The following SNX13 variants were observed in gnomAD, a reference collection of about 807,000 sequenced individuals.
The protein encoded by SNX13 is sorting nexin-13.
A neutral mutation model predicts 133.6 loss-of-function variants in SNX13; 45 were observed. That is an observed-to-expected ratio of 0.34 (90% CI 0.27 to 0.43). The LOEUF is 0.43. SNX13 is among the 20% of genes least tolerant of loss of function. The pLI, the probability that SNX13 is intolerant of heterozygous loss-of-function variation, is 1.00. For synonymous variants in SNX13, 414 were observed against 373.9 expected (o/e 1.11, Z -1.24); for missense variants, 1,032 against 1,145.1 (o/e 0.90, Z 1.43).
At chr7:17,810,289 C>A (rs1220687678) in intron 20 of SNX13, among the ~76,000 whole-genome samples, 1 of 152,078 alleles carries the variant, frequency 6.6e-6, no homozygotes, top group East Asian at 1.9e-4. Flanking sequence ...AAGGGGATAT[C>A]ACCACTGATC....
At chr7:17,896,871 A>T (rs1797270711) in intron 2 of SNX13, among the ~76,000 whole-genome samples, 1 of 152,152 alleles carries the variant, frequency 6.6e-6, no homozygotes, top group African/African-American at 2.4e-5. Flanking sequence ...AAACTGCAAA[A>T]TCAGGTATTT....
At chr7:17,830,339 G>T (rs991535592) in intron 15 of SNX13, 1 of 984,092 alleles carries the variant, frequency 1.0e-6, no homozygotes, top group African/African-American at 1.8e-5. Flanking sequence ...TATTCTCATG[G>T]TATCAAGTAA....
chr7:17,821,689 T>C (rs767794879), intron 17 of SNX13, 41 bp from the exon 18 acceptor site: 1 of 1,529,580 alleles, frequency 6.5e-7, no homozygotes. Flanking sequence ...ATACTAATCA[T>C]TTAAAACAAA....
intron 1 of SNX13, among the ~76,000 whole-genome samples, chr7:17,925,375 C>T (rs1041301599): frequency 1.1e-4 from 17 of 151,946 alleles, no homozygotes; most frequent in African/African-American, 4.1e-4. Flanking sequence ...TAGCAAAAGC[C>T]GTTGAATTGA....
intron 25 of SNX13, chr7:17,795,609 T>C (rs907920503): frequency 6.6e-6 from 1 of 151,698 alleles, no homozygotes; most frequent in Admixed American, 6.6e-5. Context: ...CTACGTTCCA[T>C]TTATTTGTTC....
rs138023046 is a variant in SNX13, at chr7:17,853,927, C to T, written c.838-2963G>A. On this transcript the variant is annotated intron_variant, in intron 9 of 25. Coordinates refer to ENST00000428135, the MANE Select transcript of SNX13 (RefSeq NM_015132.5). ...CTGCACTCCAGCCTGCGCGACAGAG[C>T]GAGAATCCATCTCCAAAAAAAATAA... Among the ~76,000 whole-genome samples the T allele has an allele frequency of 5.0e-3, 742 of 149,248 alleles. 5 individuals carry two copies. The highest frequency in any genetic ancestry group is 0.018 in the African/African-American group (711 of 40,372).
intron 9 of SNX13, among the ~76,000 whole-genome samples, chr7:17,851,607 G>C (rs955095956): frequency 1.4e-5 from 2 of 145,162 alleles, no homozygotes; most frequent in African/African-American, 2.6e-5. Flanking sequence ...ACATGGCCGT[G>C]AAATAAAGAG....
chr7:17,907,371 A>G (rs755946826), intron 1 of SNX13: 3 of 152,208 alleles, frequency 2.0e-5, no homozygotes, highest in Admixed American at 6.5e-5. Context: ...GTACATTTCA[A>G]TACCTCAGAA....
intron 9 of SNX13, among the ~76,000 whole-genome samples, chr7:17,853,305 A>C (rs952073704): frequency 6.6e-6 from 1 of 152,232 alleles, no homozygotes; most frequent in African/African-American, 2.4e-5. Context: ...TAGAGGGATT[A>C]ATAACTATGA....
intron 22 of SNX13, among the ~76,000 whole-genome samples, 179 bp from the exon 23 acceptor site, chr7:17,799,333 C>G (rs1370375225): frequency 6.6e-6 from 1 of 151,650 alleles, no homozygotes; most frequent in Non-Finnish European, 1.5e-5. Context: ...GTCATTCTGA[C>G]AGAATACAGA....
At chr7:17,831,325 G>T in intron 15 of SNX13, 9 of 910,342 alleles carry the variant, frequency 9.9e-6, no homozygotes, top group Non-Finnish European at 1.1e-5. Flanking sequence ...ATTTAAAAAG[G>T]AAAGCATAAT....
intron 1 of SNX13, among the ~76,000 whole-genome samples, chr7:17,925,783 G>GA (rs112689441): frequency 0.037 from 5,637 of 151,814 alleles, 337 homozygotes; most frequent in African/African-American, 0.13. Context: ...CGAAGAAGGG[G>GA]AAAAAAGAGG....
chr7:17,845,400 T>C (rs1466556663), intron 12 of SNX13, among the ~76,000 whole-genome samples, 195 bp downstream of exon 12: 9 of 152,138 alleles, frequency 5.9e-5, no homozygotes, highest in Non-Finnish European at 1.3e-4. Context: ...AGAGTTGGTG[T>C]TTAATGAGTA....
chr7:17,895,770 T>C (rs933412057), intron 2 of SNX13, among the ~76,000 whole-genome samples: 2 of 152,176 alleles, frequency 1.3e-5, no homozygotes, highest in African/African-American at 2.4e-5. Flanking sequence ...CTTAAAAAAT[T>C]AATAAACTGA....
At chr7:17,931,780 TCA>T (rs1410853910) in intron 1 of SNX13, among the ~76,000 whole-genome samples, 27 of 152,242 alleles carry the variant, frequency 1.8e-4, no homozygotes, top group Non-Finnish European at 4.4e-5. Context: ...CATGATCCTC[TCA>T]TAAGTATATT....
At chr7:17,894,328 T>C (rs1343285557) in intron 2 of SNX13, among the ~76,000 whole-genome samples, 1 of 151,896 alleles carries the variant, frequency 6.6e-6, no homozygotes, top group African/African-American at 2.4e-5. Context: ...TCAGCCCTTA[T>C]TAAACAAGTA....
intron 20 of SNX13, 42 bp downstream of exon 20, chr7:17,814,792 C>A: frequency 1.4e-6 from 2 of 1,400,140 alleles, no homozygotes; most frequent in East Asian, 2.8e-5. Context: ...AGTAAGAAAA[C>A]AGACCTAGAA....
intron 1 of SNX13, among the ~76,000 whole-genome samples, chr7:17,923,301 T>C (rs1385939294): frequency 6.6e-6 from 1 of 152,218 alleles, no homozygotes; most frequent in African/African-American, 2.4e-5. Flanking sequence ...GACTTGTATA[T>C]AGAAAGTTTT....
chr7:17,839,773 AAAG>A, intron 13 of SNX13, 31 bp downstream of exon 13: 1 of 1,520,832 alleles, frequency 6.6e-7, no homozygotes, highest in Non-Finnish European at 8.8e-7. Context: ...TAATACTGCT[AAAG>A]AAGAAAACAG....
Sources: gnomAD v4.1 joint callset for allele counts (sites outside exome capture counted in the v4.1 genomes callset) on GRCh38, gnomAD v4.1.1 for gene constraint, MANE v1.5 for transcripts, NCBI Gene and HGNC (gene_info 2026-07-23, HGNC 2026-07-21) for gene names.